Variants in HECW2 observed in about 807,000 individuals in gnomAD.
HECW2 encodes the protein HECT, C2 and WW domain containing E3 ubiquitin protein ligase 2.
A neutral mutation model predicts 175.2 loss-of-function variants in HECW2; 61 were observed. The ratio of observed to expected loss-of-function variants is 0.35; its 90% confidence interval spans 0.28 to 0.43. HECW2 has a LOEUF of 0.43. HECW2 is among the 20% of genes least tolerant of loss of function. The probability of loss-of-function intolerance (pLI) is 1.00; values close to 1 mark genes in which losing one functional copy is unlikely to be tolerated. For synonymous variants in HECW2, 671 were observed against 731.0 expected, an observed-to-expected ratio of 0.92 and a Z score of 1.32; for missense variants, 1,524 against 2,000.5, an observed-to-expected ratio of 0.76 and a Z score of 4.54.
At chr2:196,485,084 G>C (rs1686955607) in intron 1 of HECW2, among the ~76,000 whole-genome samples, 1 of 152,170 alleles carries the variant, frequency 6.6e-6, no homozygotes, top group Non-Finnish European at 1.5e-5. Flanking sequence ...TGATTACTGA[G>C]AGGAGGAAAA....
intron 24 of HECW2, among the ~76,000 whole-genome samples, chr2:196,221,400 G>C (rs1274275781): frequency 1.3e-5 from 2 of 151,864 alleles, no homozygotes; most frequent in African/African-American, 2.4e-5. Flanking sequence ...GCCTAAATAA[G>C]AATATTAATT....
intron 17 of HECW2, among the ~76,000 whole-genome samples, chr2:196,268,765 T>C (rs1488103145): frequency 6.6e-6 from 1 of 152,170 alleles, no homozygotes; most frequent in Non-Finnish European, 1.5e-5. Flanking sequence ...TTGGAAGTGG[T>C]AGAAGAGAGA....
At chr2:196,253,634 A>C (rs1335733072) in intron 19 of HECW2, among the ~76,000 whole-genome samples, 1 of 152,206 alleles carries the variant, frequency 6.6e-6, no homozygotes, top group South Asian at 2.1e-4. Flanking sequence ...GTCAAAAAGC[A>C]ACCTAATATT....
intron 2 of HECW2, among the ~76,000 whole-genome samples, chr2:196,417,624 CA>C (rs1278029740): frequency 6.6e-6 from 1 of 152,190 alleles, no homozygotes; most frequent in African/African-American, 2.4e-5. Flanking sequence ...GCAAATGAAT[CA>C]CATGATGGAC....
At chr2:196,519,268 C>T (rs1393537760) in intron 1 of HECW2, among the ~76,000 whole-genome samples, 1 of 152,170 alleles carries the variant, frequency 6.6e-6, no homozygotes, top group South Asian at 2.1e-4. Flanking sequence ...AACTGACTTC[C>T]GTCTGCCACC....
chr2:196,543,314 G>T, intron 1 of HECW2, among the ~76,000 whole-genome samples: 1 of 147,784 alleles, frequency 6.8e-6, no homozygotes. Context: ...GTTGTTTTTG[G>T]TAAAAAAAAA....
rs541203153 is a variant in HECW2 at position 196,231,786 on chromosome 2, G to A, written c.3765-3532C>T. On this transcript the variant is annotated intron_variant, in intron 21 of 28. Transcript: ENST00000644978. ...GACGGATCACAAGGTCAGGACCATC[G>A]AGACCATCCTGGCTAACATGGTGAA... Among the ~76,000 whole-genome samples the A allele has an allele frequency of 1.1e-4, 16 of 151,636 alleles. No individual in the cohort carries two copies. In the East Asian group the frequency reaches 1.5e-3, roughly 15 times the overall value.
At chr2:196,278,881 G>A (rs1169678790) in intron 14 of HECW2, among the ~76,000 whole-genome samples, 1 of 152,032 alleles carries the variant, frequency 6.6e-6, no homozygotes, top group Non-Finnish European at 1.5e-5. Flanking sequence ...GAGCAGGAAG[G>A]AACATTATGC....
At chr2:196,228,068 G>A (rs200043475) in intron 22 of HECW2, 34 bp downstream of exon 22, 42 of 1,487,024 alleles carry the variant, frequency 2.8e-5, no homozygotes, top group Non-Finnish European at 3.3e-5. Flanking sequence ...ATAGGAAATC[G>A]CCTGAAGAAA....
intron 13 of HECW2, among the ~76,000 whole-genome samples, chr2:196,302,545 T>C (rs897130815): frequency 2.0e-5 from 3 of 152,252 alleles, no homozygotes; most frequent in Non-Finnish European, 4.4e-5. Flanking sequence ...TTCCTATCCA[T>C]GAGGATGGAA....
At chr2:196,432,520 A>C (rs1695746218) in intron 2 of HECW2, among the ~76,000 whole-genome samples, 1 of 152,256 alleles carries the variant, frequency 6.6e-6, no homozygotes. Context: ...AAGTTCACTA[A>C]GAACAACAAG....
chr2:196,586,605 G>A (rs1690985707), intron 1 of HECW2: 1 of 151,960 alleles, frequency 6.6e-6, no homozygotes, highest in Non-Finnish European at 1.5e-5. Context: ...CCATGAAGTG[G>A]GTAGCATGTG....
intron 1 of HECW2, among the ~76,000 whole-genome samples, chr2:196,522,819 T>A (rs1222181993): frequency 6.6e-6 from 1 of 152,106 alleles, no homozygotes; most frequent in African/African-American, 2.4e-5. Context: ...GAGGGCTCTG[T>A]TCTGTTCCAT....
rs146859316 is a variant in HECW2, at chr2:196,433,323, T to C, written c.101A>G (p.Gln34Arg). 44 of 1,614,146 alleles carry C rather than the reference T, an allele frequency of 2.7e-5. No homozygotes were observed. Among genetic ancestry groups the C allele is most frequent in the African/African-American group, 1.9e-4 (14 of 75,042 alleles). Residue 34 changes from glutamine (Q) to arginine (R), a missense_variant, in exon 2 of 29, where the codon CAG becomes CGG. Transcript: ENST00000644978. ...GGTCATGTTCTCTGGCATGGAGCTCTGGGCGGCAAGGCTCTGGAGGTTCTC... is the reference window on the plus strand; with the variant it reads ...GGTCATGTTCTCTGGCATGGAGCTCCGGGCGGCAAGGCTCTGGAGGTTCTC... ...SPENLQSLAA[Q>R]SSMPENMTLQ...
At chr2:196,394,147 G>C (rs940664817) in intron 2 of HECW2, among the ~76,000 whole-genome samples, 2 of 151,724 alleles carry the variant, frequency 1.3e-5, no homozygotes, top group African/African-American at 2.4e-5. Flanking sequence ...GGGCCTGTCC[G>C]GGGGTGAGGG....
At chr2:196,436,761 T>TC (rs397758826) in intron 1 of HECW2, among the ~76,000 whole-genome samples, 2 of 151,750 alleles carry the variant, frequency 1.3e-5, no homozygotes, top group Middle Eastern at 6.8e-3. Context: ...TTTTTTTTTT[T>TC]CAATTTCTTT....
chr2:196,469,981 C>A (rs1697129108), intron 1 of HECW2, among the ~76,000 whole-genome samples: 1 of 151,828 alleles, frequency 6.6e-6, no homozygotes, highest in African/African-American at 2.4e-5. Flanking sequence ...CAGAAAAATT[C>A]TAGTTAAAAC....
intron 15 of HECW2, among the ~76,000 whole-genome samples, chr2:196,274,372 T>C (rs73044212): frequency 0.058 from 8,861 of 152,180 alleles, 867 homozygotes; most frequent in African/African-American, 0.2. Context: ...CTTTACCAAG[T>C]GGCACAGAAG....
At chr2:196,301,921 C>T (rs11891798) in intron 13 of HECW2, among the ~76,000 whole-genome samples, 31,938 of 152,008 alleles carry the variant, frequency 0.21, 3,638 homozygotes, top group Middle Eastern at 0.28. Context: ...GCTTTTGTTG[C>T]AATTGCTTTT....
Sources: gnomAD v4.1 joint callset for allele counts (sites outside exome capture counted in the v4.1 genomes callset) on GRCh38, gnomAD v4.1.1 for gene constraint, MANE v1.5 for transcripts, NCBI Gene and HGNC (gene_info 2026-07-23, HGNC 2026-07-21) for gene names.